The following COL18A1 variants were observed in gnomAD, a reference collection of about 807,000 sequenced individuals.
COL18A1 encodes the protein collagen alpha-1(XVIII) chain.
Under a neutral mutation model 168.0 loss-of-function variants are expected in COL18A1, and 133 were observed. The ratio of observed to expected loss-of-function variants is 0.79; its 90% CI spans 0.69 to 0.91. The LOEUF (loss-of-function observed/expected upper bound fraction) is 0.91. Ranked by LOEUF, COL18A1 falls within the 40% of genes least tolerant of loss-of-function variation. COL18A1 has a pLI of 0.00. For synonymous variants in COL18A1, 949 were observed against 809.0 expected, an observed-to-expected ratio of 1.17 and a Z score of -2.94; for missense variants, 2,126 against 1,925.4, an observed-to-expected ratio of 1.10 and a Z score of -1.95.
intron 32 of COL18A1, among the ~76,000 whole-genome samples, chr21:45,501,765 A>C (rs111724412): frequency 2.5e-5 from 2 of 79,138 alleles, no homozygotes; most frequent in African/African-American, 4.1e-5. Flanking sequence ...CTCCCTCTGC[A>C]GAAGGACCCC....
chr21:45,500,467 T>A, intron 32 of COL18A1, among the ~76,000 whole-genome samples: 1 of 69,006 alleles, frequency 1.4e-5, no homozygotes, highest in African/African-American at 6.6e-5. Flanking sequence ...GTGTGTAGTG[T>A]GGGGGTGTGG....
intron 5 of COL18A1, among the ~76,000 whole-genome samples, chr21:45,476,116 G>T (rs1035640315): frequency 1.3e-5 from 2 of 151,464 alleles, no homozygotes; most frequent in African/African-American, 4.9e-5. Flanking sequence ...GGAGGCCTCT[G>T]TGGTGACGGC....
chr21:45,507,672 A>G, intron 38 of COL18A1, 79 bp downstream of exon 38: 2 of 1,372,250 alleles, frequency 1.5e-6, no homozygotes, highest in South Asian at 2.4e-5. Flanking sequence ...TTTGAGGAAC[A>G]ACACGTGGTC....
At chr21:45,494,776 T>C (rs879766195) in intron 27 of COL18A1, 86 bp from the exon 28 acceptor site, 6 of 1,329,198 alleles carry the variant, frequency 4.5e-6, no homozygotes, top group East Asian at 2.5e-5. Flanking sequence ...GTGCTCTGCA[T>C]GGCCCCTCCC....
In COL18A1 at chr21:45,443,467, T is replaced by G. The variant is rs1277481786; in HGVS notation, c.107-24775T>G. 6.6e-6 allele frequency among the ~76,000 whole-genome samples: 1 copy of G among 151,956 alleles called. No individual in the cohort carries two copies. Among genetic ancestry groups the G allele is most frequent in the African/African-American group, 2.4e-5 (1 of 41,350 alleles). ...AGCCCAGCTCGGCATCGCAGCAGAG[T>G]CCCGGTGGTGGAGATGCTTTGCCAC... is the stretch of plus-strand genomic sequence containing the variant. On this transcript the variant is annotated intron_variant, in intron 2 of 41. Coordinates refer to ENST00000651438, the MANE Select transcript of COL18A1 (RefSeq NM_001379500.1). This position sits in a 1 kb window ranked among gnomAD's most constrained non-coding sequence, Gnocchi z 5.2.
Position 45,504,047 on chromosome 21 carries a change from A to C in COL18A1, c.2720A>C (p.Glu907Ala). 1 of 1,613,658 alleles carries C rather than the reference A, an allele frequency of 6.2e-7. No individual in the cohort carries two copies. Among genetic ancestry groups the C allele is most frequent in the Non-Finnish European group, 8.5e-7 (1 of 1,179,964 alleles). The change falls in exon 33 of 42, where the codon GAA becomes GCA. Residue 907 changes from glutamate to alanine, a missense_variant. Physicochemically the swap from Glu to Ala is moderately radical, Grantham distance 107 (BLOSUM62 -1). Coordinates refer to ENST00000651438, the MANE Select transcript of COL18A1 (RefSeq NM_001379500.1). Reference sequence around the variant, plus strand: ...TTTGACTTTCTTCAGTTGGAGGCTGAAATGAAGGTGGGTGACCTCCCTGTG... The same window carrying C: ...TTTGACTTTCTTCAGTTGGAGGCTGCAATGAAGGTGGGTGACCTCCCTGTG... The part of the protein sequence containing the change: ...FPFDFLQLEA[E>A]MKGEKGDRGD...
At chr21:45,490,197 G>A in intron 19 of COL18A1, 78 bp from the exon 20 acceptor site, 3 of 1,219,366 alleles carry the variant, frequency 2.5e-6, no homozygotes, top group Non-Finnish European at 3.5e-6. Context: ...GTCCACGGGT[G>A]CCCCGGACTC....
chr21:45,498,498 T>A lies in COL18A1; in HGVS notation c.2683+837T>A. The A allele has an allele frequency of 1.4e-6, 1 of 713,966 alleles. No individual in the cohort carries two copies. The highest frequency in any genetic ancestry group is 1.8e-5 in the African/African-American group (1 of 56,702). 44.2% of individuals were successfully genotyped at this position (713,966 alleles called of 1,614,324 possible). The stretch of plus-strand genomic sequence containing the variant: ...GCTCGCCGCCAGGGTCCCCTCTCGC[T>A]GCCAGGGTCCTCTGCAGAGGAGGCC... On this transcript the variant is annotated intron_variant, in intron 32 of 41. Coordinates refer to ENST00000651438, the MANE Select transcript of COL18A1 (RefSeq NM_001379500.1). The surrounding 1 kb of genome is among the most constrained non-coding windows in gnomAD (Gnocchi z 4.5).
At chr21:45,428,515 C>G (rs901841100) in intron 2 of COL18A1, among the ~76,000 whole-genome samples, 2 of 152,188 alleles carry the variant, frequency 1.3e-5, no homozygotes, top group African/African-American at 4.8e-5. Context: ...CATCTTAAAG[C>G]GAACAATTCG....
intron 2 of COL18A1, among the ~76,000 whole-genome samples, chr21:45,445,606 T>C (rs1159656294): frequency 6.6e-6 from 1 of 152,254 alleles, no homozygotes; most frequent in African/African-American, 2.4e-5. Flanking sequence ...GCCACATCTT[T>C]GCCATCACTT....
At chr21:45,421,576 C>T (rs1555969519) in intron 2 of COL18A1, 1 of 534,602 alleles carries the variant, frequency 1.9e-6, no homozygotes, top group South Asian at 1.4e-5. Flanking sequence ...CCTTCCATTT[C>T]TTAAATTGCT....
At chr21:45,476,224 C>A in intron 5 of COL18A1, 127 bp from the exon 6 acceptor site, 1 of 1,408,248 alleles carries the variant, frequency 7.1e-7, no homozygotes, top group Non-Finnish European at 9.7e-7. Flanking sequence ...CCTGGAGCAC[C>A]CTCCTGTTTC....
At chr21:45,505,316 C>G (rs746909948) in intron 35 of COL18A1, 38 bp downstream of exon 35, 10 of 1,599,878 alleles carry the variant, frequency 6.3e-6, no homozygotes, top group African/African-American at 2.7e-5. Context: ...CAGAGGCCGC[C>G]TCGTGTGGCT....
intron 5 of COL18A1, 110 bp from the exon 6 acceptor site, chr21:45,476,240 AT>A: frequency 6.6e-7 from 1 of 1,507,138 alleles, no homozygotes. Flanking sequence ...GTTTCAGAGG[AT>A]TTTTCTTTAT....
rs149062569 is a variant in COL18A1, at chr21:45,425,606, T to C, written c.106+20133T>C. Among the ~76,000 whole-genome samples the C allele has an allele frequency of 6.6e-3, 1,004 of 152,194 alleles. 9 individuals are homozygous for C. Among genetic ancestry groups the C allele is most frequent in the Non-Finnish European group, 0.011 (750 of 68,000 alleles). On this transcript the variant is annotated intron_variant, in intron 2 of 41. Coordinates refer to ENST00000651438, the MANE Select transcript of COL18A1 (RefSeq NM_001379500.1). This position sits in a 1 kb window ranked among gnomAD's most constrained non-coding sequence, Gnocchi z 4.1. Reference sequence around the variant, plus strand: ...AGCTGGGCTGCAGACTTGCACAAGGTGGGGTCCTGTGTCTGGAGTCAGAGG... The same window carrying C: ...AGCTGGGCTGCAGACTTGCACAAGGCGGGGTCCTGTGTCTGGAGTCAGAGG...
chr21:45,444,379 G>C (rs978037430), intron 2 of COL18A1, among the ~76,000 whole-genome samples: 1 of 152,170 alleles, frequency 6.6e-6, no homozygotes, highest in Non-Finnish European at 1.5e-5. Context: ...GGGATGTGCA[G>C]AGTGAATGAA....
chr21:45,486,730 C>T (rs1449103222), intron 15 of COL18A1, 131 bp from the exon 16 acceptor site: 7 of 1,024,246 alleles, frequency 6.8e-6, no homozygotes, highest in Non-Finnish European at 9.8e-6. Flanking sequence ...GCCTGCGTTG[C>T]TTGGCAGAAT....
At chr21:45,468,072 C>A (rs2145889226) in intron 2 of COL18A1, among the ~76,000 whole-genome samples, 170 bp from the exon 3 acceptor site, 1 of 152,310 alleles carries the variant, frequency 6.6e-6, no homozygotes, top group East Asian at 1.9e-4. Context: ...ACCAGGGTGG[C>A]CGTTGGGTGG....
chr21:45,510,375 CACTGGCGCCTAG>C (rs2037506782), intron 40 of COL18A1, 114 bp downstream of exon 40: 1 of 1,225,672 alleles, frequency 8.2e-7, no homozygotes, highest in Non-Finnish European at 1.2e-6. Context: ...ATGTTACAGA[CACTGGCGCCTAG>C]GCTGGCGACT....
Sources: gnomAD v4.1 joint callset for allele counts (sites outside exome capture counted in the v4.1 genomes callset) on GRCh38, gnomAD v4.1.1 for gene constraint, Gnocchi (gnomAD v3.1) non-coding constraint, MANE v1.5 for transcripts, NCBI Gene and HGNC (gene_info 2026-07-23, HGNC 2026-07-21) for gene names.